PLCG2: variants seen among roughly 807,000 people sequenced by gnomAD.
PLCG2 encodes 1-phosphatidylinositol 4,5-bisphosphate phosphodiesterase gamma-2.
In PLCG2, 69 loss-of-function variants were observed where a neutral mutation model predicts 175.6. The ratio of observed to expected loss-of-function variants is 0.39; its 90% CI spans 0.32 to 0.48. The LOEUF (loss-of-function observed/expected upper bound fraction) is 0.48. PLCG2 is among the 20% of genes least tolerant of loss of function. The pLI, the probability that PLCG2 is intolerant of heterozygous loss-of-function variation, is 0.91. For missense variants in PLCG2, 1,798 were observed against 1,650.9 expected, an observed-to-expected ratio of 1.09 and a Z score of -1.54; for synonymous variants, 827 against 624.0, an observed-to-expected ratio of 1.33 and a Z score of -4.85.
chr16:81,752,463 T>G (rs1040823968), intron 1 of PLCG2, among the ~76,000 whole-genome samples: 1 of 152,144 alleles, frequency 6.6e-6, no homozygotes, highest in Non-Finnish European at 1.5e-5. Context: ...CGGCTGGCCG[T>G]GGCAGCACTA....
chr16:81,859,572 T>C (rs188548832), intron 5 of PLCG2, among the ~76,000 whole-genome samples: 51 of 152,196 alleles, frequency 3.4e-4, no homozygotes, highest in Non-Finnish European at 6.6e-4. Flanking sequence ...TCTCGCTCTT[T>C]CGCCCAGGCT....
chr16:81,837,192 G>T (rs1905563530), intron 2 of PLCG2, among the ~76,000 whole-genome samples: 1 of 152,250 alleles, frequency 6.6e-6, no homozygotes, highest in Non-Finnish European at 1.5e-5. Context: ...ATGCAGTGCT[G>T]CTTCAGATGG....
At chr16:81,901,410 C>A (rs936736497) in intron 14 of PLCG2, among the ~76,000 whole-genome samples, 7 of 152,194 alleles carry the variant, frequency 4.6e-5, no homozygotes, top group Admixed American at 4.6e-4. Flanking sequence ...TTTATTTCTT[C>A]CCCATGCGAG....
At chr16:81,846,179 C>G (rs189546662) in intron 2 of PLCG2, among the ~76,000 whole-genome samples, 2 of 152,242 alleles carry the variant, frequency 1.3e-5, no homozygotes, top group African/African-American at 4.8e-5. Context: ...TCTGCATCAC[C>G]TAGGAGGTTG....
At chr16:81,908,177 T>A (rs1909460272) in intron 16 of PLCG2, among the ~76,000 whole-genome samples, 1 of 152,128 alleles carries the variant, frequency 6.6e-6, no homozygotes. Context: ...CTGGGAACCG[T>A]TCACTGCATG....
rs1056981657 is a variant in PLCG2, at chr16:81,742,169, T to C, written c.-145+2784T>C. 9.5e-4 allele frequency among the ~76,000 whole-genome samples: 117 copies of C among 123,746 alleles called. 1 individual carries two copies. The highest frequency in any genetic ancestry group is 4.0e-3 in the African/African-American group (111 of 27,624). 81.2% of individuals were successfully genotyped at this position (123,746 alleles called of 152,430 possible). On this transcript the variant is annotated intron_variant, in intron 1 of 5. Coordinates refer to the PLCG2 transcript ENST00000565054. ...ATTGTGGGGGCGGGGGGGGGGGCGG[T>C]GTTGGCTAAAATTGAAAAGGTAGCA...
chr16:81,772,668 A>AAC (rs1555505011), intron 2 of PLCG2, among the ~76,000 whole-genome samples: 8 of 150,100 alleles, frequency 5.3e-5, no homozygotes, highest in South Asian at 2.1e-4. Flanking sequence ...AAAAAAAAAA[A>AAC]AAAGCTGGGT....
intron 2 of PLCG2, among the ~76,000 whole-genome samples, chr16:81,844,210 GTCTCTA>G (rs1232839190): frequency 6.8e-6 from 1 of 147,544 alleles, no homozygotes; most frequent in African/African-American, 2.5e-5. Flanking sequence ...AGCCAGGATG[GTCTCTA>G]TCTCCTGACC....
intron 2 of PLCG2, among the ~76,000 whole-genome samples, chr16:81,789,648 A>G (rs537001619): frequency 5.9e-5 from 9 of 152,234 alleles, no homozygotes; most frequent in African/African-American, 1.9e-4. Context: ...TTCTCCCTGG[A>G]GAGACCAAGA....
At chr16:81,824,989 G>A (rs899541134) in intron 2 of PLCG2, among the ~76,000 whole-genome samples, 7 of 152,214 alleles carry the variant, frequency 4.6e-5, no homozygotes, top group Non-Finnish European at 1.0e-4. Flanking sequence ...CTTTGAAGGT[G>A]GAGGAAGGGG....
At chr16:81,881,159 G>T (rs1421530656) in intron 8 of PLCG2, among the ~76,000 whole-genome samples, 1 of 152,214 alleles carries the variant, frequency 6.6e-6, no homozygotes, top group Non-Finnish European at 1.5e-5. Context: ...GCACTGGGAG[G>T]ATGGTCCAGA....
chr16:81,757,087 A>G (rs1701882115), intron 2 of PLCG2, among the ~76,000 whole-genome samples: 2 of 152,210 alleles, frequency 1.3e-5, no homozygotes, highest in Admixed American at 6.5e-5. Context: ...TGAAAAGACA[A>G]TCATTTTGGA....
chr16:81,832,276 G>T (rs1165727623), intron 2 of PLCG2, among the ~76,000 whole-genome samples: 2 of 152,212 alleles, frequency 1.3e-5, no homozygotes. Flanking sequence ...TCTCTCCTGG[G>T]CTCCGCTCCA....
chr16:81,778,029 A>AC (rs1910496029), upstream of PLCG2, among the ~76,000 whole-genome samples: 1 of 43,904 alleles, frequency 2.3e-5, no homozygotes, highest in Non-Finnish European at 4.7e-5. Flanking sequence ...AAAAAAAAAA[A>AC]AACAAAAAAA....
In PLCG2 at chr16:81,785,948, T is replaced by C; in HGVS notation, c.-42T>C. 1 of 1,579,806 alleles carries C rather than the reference T, an allele frequency of 6.3e-7. No homozygotes were observed. The highest frequency in any genetic ancestry group is 1.1e-5 in the South Asian group (1 of 88,942). ...CTTTAATTCTGCCCTTTCAGCTTCC[T>C]GATTTCTCCCGATTCCTTCCTTCTC... is the stretch of plus-strand genomic sequence containing the variant. On this transcript the variant is annotated 5_prime_UTR_variant, in exon 2 of 33. Coordinates refer to ENST00000564138, the MANE Select transcript of PLCG2 (RefSeq NM_002661.5).
chr16:81,944,023 A>G (rs111611330), intron 30 of PLCG2, among the ~76,000 whole-genome samples: 1 of 152,368 alleles, frequency 6.6e-6, no homozygotes, highest in African/African-American at 2.4e-5. Context: ...GAAGGCATCC[A>G]CGGAATTCAG....
intron 26 of PLCG2, chr16:81,935,669 G>T (rs1910677044): frequency 2.0e-6 from 2 of 985,230 alleles, no homozygotes; most frequent in Non-Finnish European, 2.4e-6. Context: ...ACAGCTGGAT[G>T]GGAGAGAAGA....
At chr16:81,931,809 C>T (rs754650584) in intron 25 of PLCG2, among the ~76,000 whole-genome samples, 155 bp downstream of exon 25, 1 of 152,104 alleles carries the variant, frequency 6.6e-6, no homozygotes, top group Non-Finnish European at 1.5e-5. Context: ...ACAATTGGAG[C>T]ACCTCTTGTT....
At chr16:81,765,196 A>C (rs529180650) in intron 2 of PLCG2, among the ~76,000 whole-genome samples, 1 of 152,378 alleles carries the variant, frequency 6.6e-6, no homozygotes, top group East Asian at 1.9e-4. Context: ...ACACAGCGAC[A>C]CACAGGGAGA....
Sources: gnomAD v4.1 joint callset for allele counts (sites outside exome capture counted in the v4.1 genomes callset) on GRCh38, gnomAD v4.1.1 for gene constraint, MANE v1.5 for transcripts, NCBI Gene and HGNC (gene_info 2026-07-23, HGNC 2026-07-21) for gene names.